CSMD1: variants seen among roughly 807,000 people sequenced by gnomAD.
CSMD1 encodes the protein CUB and sushi domain-containing protein 1.
In CSMD1, 213 loss-of-function variants were observed where a neutral mutation model predicts 417.5. The observed-to-expected ratio is 0.51, with a 90% CI of 0.46 to 0.57. The LOEUF (loss-of-function observed/expected upper bound fraction) is 0.57. CSMD1 is among the 20% of genes least tolerant of loss of function. CSMD1 has a pLI of 0.00. For missense variants in CSMD1, 6,923 were observed against 4,529.7 expected (o/e 1.53, Z -15.17); for synonymous variants, 2,862 against 1,736.8 (o/e 1.65, Z -16.11).
chr8:4,232,095 A>G (rs1331654577), intron 3 of CSMD1, among the ~76,000 whole-genome samples: 1 of 152,228 alleles, frequency 6.6e-6, no homozygotes, highest in Non-Finnish European at 1.5e-5. Flanking sequence ...ACTTGATCAC[A>G]TTCATGCTTC....
intron 1 of CSMD1, among the ~76,000 whole-genome samples, chr8:4,760,349 T>C (rs776692042): frequency 2.0e-5 from 3 of 152,194 alleles, no homozygotes; most frequent in Non-Finnish European, 2.9e-5. Context: ...GAAATCAACA[T>C]GAAGGTGAAT....
intron 1 of CSMD1, among the ~76,000 whole-genome samples, chr8:4,870,617 T>C (rs1304122935): frequency 6.6e-6 from 1 of 152,002 alleles, no homozygotes; most frequent in Non-Finnish European, 1.5e-5. Flanking sequence ...GATACTTTAT[T>C]AGGAGGTAAA....
chr8:4,372,688 G>C (rs1014692371), intron 3 of CSMD1, among the ~76,000 whole-genome samples: 1 of 148,972 alleles, frequency 6.7e-6, no homozygotes, highest in African/African-American at 2.5e-5. Context: ...CCTGTCAAAG[G>C]ACTCAATAGC....
chr8:4,283,228 T>C (rs1443561125), intron 3 of CSMD1, among the ~76,000 whole-genome samples: 2 of 152,160 alleles, frequency 1.3e-5, no homozygotes, highest in East Asian at 3.8e-4. Context: ...ATTTAAAGTA[T>C]CCACTATCCT....
intron 2 of CSMD1, among the ~76,000 whole-genome samples, chr8:4,541,005 C>G (rs117569588): frequency 0.013 from 2,015 of 152,298 alleles, 28 homozygotes; most frequent in Non-Finnish European, 0.021. Flanking sequence ...AGCTCAAACT[C>G]TTTAAATGCC....
chr8:3,480,608 A>G (rs1376958670), intron 11 of CSMD1, among the ~76,000 whole-genome samples: 1 of 152,186 alleles, frequency 6.6e-6, no homozygotes, highest in Non-Finnish European at 1.5e-5. Flanking sequence ...TCTCAAAAAT[A>G]AACCTAAACA....
chr8:4,409,380 A>G (rs1796520360), intron 3 of CSMD1, among the ~76,000 whole-genome samples: 1 of 152,176 alleles, frequency 6.6e-6, no homozygotes, highest in Non-Finnish European at 1.5e-5. Flanking sequence ...CTAACAAAAG[A>G]TAATTTACCC....
intron 5 of CSMD1, among the ~76,000 whole-genome samples, chr8:3,865,429 T>G (rs893520638): frequency 6.6e-6 from 1 of 152,032 alleles, no homozygotes; most frequent in Non-Finnish European, 1.5e-5. Context: ...CAAGCGAGAC[T>G]GTGAGGGCTC....
chr8:3,596,797 C>A (rs952423088), intron 8 of CSMD1, among the ~76,000 whole-genome samples: 9 of 152,082 alleles, frequency 5.9e-5, no homozygotes, highest in African/African-American at 2.2e-4. Context: ...CTCACACACA[C>A]ATGCATACAT....
intron 3 of CSMD1, among the ~76,000 whole-genome samples, chr8:4,190,642 T>G (rs1015830077): frequency 2.6e-5 from 4 of 152,096 alleles, no homozygotes; most frequent in Non-Finnish European, 5.9e-5. Flanking sequence ...ATATTAGTGT[T>G]GTAATGAGAC....
At chr8:4,578,345 T>TTC (rs1278087528) in intron 2 of CSMD1, among the ~76,000 whole-genome samples, 1 of 143,406 alleles carries the variant, frequency 7.0e-6, no homozygotes, top group Non-Finnish European at 1.5e-5. Context: ...TTTTTTTTTT[T>TTC]TTTTTTTTTT....
intron 3 of CSMD1, among the ~76,000 whole-genome samples, chr8:4,126,028 G>C (rs970048408): frequency 6.6e-5 from 10 of 152,036 alleles, no homozygotes; most frequent in Admixed American, 1.3e-4. Context: ...TGGATCAGCT[G>C]ATACCACCAA....
In CSMD1 at chr8:4,982,091, G is replaced by C. The variant is rs62491282; in HGVS notation, c.85+12241C>G. Among the ~76,000 whole-genome samples the C allele has an allele frequency of 4.1e-3, 624 of 152,314 alleles. 3 individuals carry two copies. Among genetic ancestry groups the C allele is most frequent in the Middle Eastern group, 0.014 (4 of 294 alleles). ...CTTAGAAGTGGATTCTACCCCAGCT[G>C]AGCCTCAGGTGGCAATGAAGTCCCA... On this transcript the variant is annotated intron_variant, in intron 1 of 69. Coordinates refer to ENST00000635120, the MANE Select transcript of CSMD1 (RefSeq NM_033225.6).
chr8:3,987,230 T>G (rs574017282), intron 5 of CSMD1, among the ~76,000 whole-genome samples: 1 of 152,008 alleles, frequency 6.6e-6, no homozygotes, highest in South Asian at 2.1e-4. Flanking sequence ...GCACTCTTCC[T>G]GTGAACATGC....
chr8:4,669,676 G>T (rs1281756645), intron 1 of CSMD1, among the ~76,000 whole-genome samples: 3 of 151,944 alleles, frequency 2.0e-5, no homozygotes, highest in African/African-American at 7.3e-5. Context: ...TGAAGCTGTT[G>T]GTTTTTTGCT....
intron 3 of CSMD1, among the ~76,000 whole-genome samples, chr8:4,303,657 T>A (rs942739218): frequency 6.6e-6 from 1 of 151,996 alleles, no homozygotes; most frequent in Non-Finnish European, 1.5e-5. Context: ...ACTTTTTTAT[T>A]TTTTATTTAT....
chr8:4,904,983 A>C (rs982958503), intron 1 of CSMD1, among the ~76,000 whole-genome samples: 1 of 152,110 alleles, frequency 6.6e-6, no homozygotes, highest in Non-Finnish European at 1.5e-5. Flanking sequence ...ACATAGTACA[A>C]TTTGCAAAGG....
chr8:3,986,529 C>A (rs1440438832), intron 5 of CSMD1, among the ~76,000 whole-genome samples: 1 of 152,116 alleles, frequency 6.6e-6, no homozygotes, highest in Non-Finnish European at 1.5e-5. Context: ...TTTTCTACTC[C>A]CATGATCAGC....
At chr8:3,238,984 C>G in intron 26 of CSMD1, among the ~76,000 whole-genome samples, 1 of 151,978 alleles carries the variant, frequency 6.6e-6, no homozygotes, top group South Asian at 2.1e-4. Context: ...TTTTTTGGGG[C>G]ACAGTCAAAG....
Sources: gnomAD v4.1 joint callset for allele counts (sites outside exome capture counted in the v4.1 genomes callset) on GRCh38, gnomAD v4.1.1 for gene constraint, MANE v1.5 for transcripts, NCBI Gene and HGNC (gene_info 2026-07-23, HGNC 2026-07-21) for gene names.